Variants in GCN1 observed in about 807,000 individuals in gnomAD.
The protein encoded by GCN1 is stalled ribosome sensor GCN1.
A neutral mutation model predicts 288.4 loss-of-function variants in GCN1; 90 were observed. The ratio of observed to expected loss-of-function variants is 0.31; its 90% CI spans 0.26 to 0.37. The LOEUF is 0.37. GCN1 is among the 10% of genes least tolerant of loss of function. The pLI, the probability that GCN1 is intolerant of heterozygous loss-of-function variation, is 1.00. For synonymous variants in GCN1, 1,386 were observed against 1,420.2 expected, an observed-to-expected ratio of 0.98 and a Z score of 0.54; for missense variants, 2,586 against 3,419.9, an observed-to-expected ratio of 0.76 and a Z score of 6.08.
At chr12:120,146,932 A>G in intron 38 of GCN1, 120 bp downstream of exon 38, 1 of 560,550 alleles carries the variant, frequency 1.8e-6, no homozygotes, top group Non-Finnish European at 2.9e-6. Context: ...TTCTCCCCAT[A>G]AAAATAATTA....
At chr12:120,135,080 C>A (rs1221668624) in intron 51 of GCN1, among the ~76,000 whole-genome samples, 2 of 152,188 alleles carry the variant, frequency 1.3e-5, no homozygotes, top group African/African-American at 2.4e-5. Flanking sequence ...ACAAGCAGGG[C>A]AGACTATCGG....
At chr12:120,172,612 C>A (rs7312238) in intron 14 of GCN1, among the ~76,000 whole-genome samples, 3 of 151,964 alleles carry the variant, frequency 2.0e-5, no homozygotes, top group Non-Finnish European at 2.9e-5. Context: ...TGGGCTCAAG[C>A]GATTCTCCTG....
chr12:120,172,378 G>A (rs534791289), intron 14 of GCN1, among the ~76,000 whole-genome samples: 2 of 152,234 alleles, frequency 1.3e-5, no homozygotes, highest in African/African-American at 4.8e-5. Context: ...TCAAATCAGT[G>A]CAAAAATCTC....
At chr12:120,160,080 C>G (rs2139113504) in intron 23 of GCN1, 57 bp from the exon 24 acceptor site, 1 of 1,589,876 alleles carries the variant, frequency 6.3e-7, no homozygotes, top group South Asian at 1.1e-5. Flanking sequence ...TGACAGCAAG[C>G]AGCAGGACCA....
chr12:120,191,384 CA>C (rs1368284401), intron 1 of GCN1, among the ~76,000 whole-genome samples: 1 of 152,224 alleles, frequency 6.6e-6, no homozygotes, highest in African/African-American at 2.4e-5. Context: ...GGGCAGTTTG[CA>C]AACATCCCTG....
Position 120,174,061 on chromosome 12 carries a change from A to G in GCN1, c.1192+10T>C. The G allele has an allele frequency of 6.6e-7, 1 of 1,514,826 alleles. No homozygotes were observed. The highest frequency in any genetic ancestry group is 9.2e-7 in the Non-Finnish European group (1 of 1,089,668). 93.8% of individuals were successfully genotyped at this position (1,514,826 alleles called of 1,614,324 possible). A position where few individuals can be genotyped will look rare whatever the true frequency, so the allele number is the denominator to read the frequency against. On this transcript the variant is annotated intron_variant, in intron 13 of 57. Coordinates refer to ENST00000300648, the MANE Select transcript of GCN1 (RefSeq NM_006836.2). ...ACAGAACGCATGCTCACCATGTTGCACAGAATTACCTTCCTGCTGAAGGAA... is the reference window on the plus strand; with the variant it reads ...ACAGAACGCATGCTCACCATGTTGCGCAGAATTACCTTCCTGCTGAAGGAA...
chr12:120,147,860 C>G (rs1877412107), intron 37 of GCN1, among the ~76,000 whole-genome samples: 1 of 152,174 alleles, frequency 6.6e-6, no homozygotes, highest in South Asian at 2.1e-4. Context: ...TAACCCTCCC[C>G]TCTATCAAAG....
In GCN1 at chr12:120,158,323, C is replaced by T. The variant is rs990815351; in HGVS notation, c.2905+137G>A. 1.3e-5 allele frequency: 10 copies of T among 762,268 alleles called. No homozygotes were observed. Among genetic ancestry groups the T allele is most frequent in the East Asian group, 5.4e-5 (2 of 36,992 alleles). The allele number at this position is 762,268 out of a possible 1,614,324, so 47.2% of individuals were successfully genotyped here. A position where few individuals can be genotyped will look rare whatever the true frequency, so the allele number is the denominator to read the frequency against. On this transcript the variant is annotated intron_variant, in intron 25 of 57. Coordinates refer to ENST00000300648, the MANE Select transcript of GCN1 (RefSeq NM_006836.2). This position sits in a 1 kb window ranked among gnomAD's most constrained non-coding sequence, Gnocchi z 4.3. ...TGGGCTCACTGCAATTCACAGACTA[C>T]GAAGGTTCAATTCAGAAATCCTCCA...
intron 16 of GCN1, among the ~76,000 whole-genome samples, chr12:120,165,406 G>A (rs1878088721): frequency 6.6e-6 from 1 of 152,142 alleles, no homozygotes; most frequent in Admixed American, 6.5e-5. Context: ...CTGACCACAG[G>A]TGATCCACCT....
rs749062963 is a variant in GCN1 at position 120,153,929 on chromosome 12, A to G, written c.3702-20T>C. ...CCACACCTGGGAAAGAAGTGGGAGCACATCAGGAGGGGCAGTCAGGGGGCC... is the reference window on the plus strand; with the variant it reads ...CCACACCTGGGAAAGAAGTGGGAGCGCATCAGGAGGGGCAGTCAGGGGGCC... On this transcript the variant is annotated intron_variant, in intron 31 of 57. Coordinates refer to ENST00000300648, the MANE Select transcript of GCN1 (RefSeq NM_006836.2). This position sits in a 1 kb window ranked among gnomAD's most constrained non-coding sequence, Gnocchi z 4.4. The G allele has an allele frequency of 2.0e-5, 32 of 1,609,006 alleles. No homozygotes were observed. The highest frequency in any genetic ancestry group is 2.3e-5 in the Non-Finnish European group (27 of 1,176,636).
intron 53 of GCN1, among the ~76,000 whole-genome samples, chr12:120,132,376 C>A (rs1876855358): frequency 6.6e-6 from 1 of 152,008 alleles, no homozygotes; most frequent in Non-Finnish European, 1.5e-5. Context: ...TTACTATCAA[C>A]AGCCCTGTGA....
In GCN1 at chr12:120,153,161, C is replaced by T. The variant is rs1410061820; in HGVS notation, c.4062+52G>A. 6 of 1,513,078 alleles carry T rather than the reference C, an allele frequency of 4.0e-6. No individual in the cohort carries two copies. The highest frequency in any genetic ancestry group is 3.4e-5 in the South Asian group (3 of 87,436). The allele number at this position is 1,513,078 out of a possible 1,614,324, so 93.7% of individuals were successfully genotyped here. A position where few individuals can be genotyped will look rare whatever the true frequency, so the allele number is the denominator to read the frequency against. The stretch of plus-strand genomic sequence containing the variant: ...TAGTATCCCACCGCCTAACCACAGC[C>T]GGGTCCCAATTCTCTAACCGACATG... On this transcript the variant is annotated intron_variant, in intron 33 of 57. Transcript: ENST00000300648. This position sits in a 1 kb window ranked among gnomAD's most constrained non-coding sequence, Gnocchi z 4.4.
intron 15 of GCN1, 139 bp downstream of exon 15, chr12:120,170,030 A>C (rs1878268828): frequency 1.4e-6 from 1 of 727,090 alleles, no homozygotes; most frequent in Non-Finnish European, 2.4e-6. Context: ...CATGAGGTTC[A>C]TCCTGCAGAT....
In GCN1 at chr12:120,155,557, T is replaced by C. The variant is rs1010034168; in HGVS notation, c.3440+35A>G. Reference sequence around the variant, plus strand: ...AGTTATTTCCTAAAGGAAGAGAGGATGCAGCAGGAGAAAGCGACATGCTGG... The same window carrying C: ...AGTTATTTCCTAAAGGAAGAGAGGACGCAGCAGGAGAAAGCGACATGCTGG... On this transcript the variant is annotated intron_variant, in intron 29 of 57. Coordinates refer to ENST00000300648, the MANE Select transcript of GCN1 (RefSeq NM_006836.2). This position sits in a 1 kb window ranked among gnomAD's most constrained non-coding sequence, Gnocchi z 4.9. The C allele has an allele frequency of 1.9e-6, 3 of 1,613,066 alleles. No homozygotes were observed. Among genetic ancestry groups the C allele is most frequent in the Admixed American group, 1.7e-5 (1 of 60,000 alleles).
Position 120,138,059 on chromosome 12 carries a change from A to G in GCN1, c.6250-15T>C, listed in dbSNP as rs1430611148. ...GGCGTTGTCAGCTGGTGGAATGACA[A>G]ACATTAACTCAGTGAATACTGTGCC... On this transcript the variant is annotated splice_polypyrimidine_tract_variant and intron_variant, in intron 47 of 57. Transcript: ENST00000300648. The G allele has an allele frequency of 6.2e-7, 1 of 1,605,724 alleles. No homozygotes were observed. Among genetic ancestry groups the G allele is most frequent in the Admixed American group, 1.7e-5 (1 of 58,554 alleles).
At chr12:120,159,753 CA>C in intron 24 of GCN1, 71 bp downstream of exon 24, 1 of 1,355,516 alleles carries the variant, frequency 7.4e-7, no homozygotes, top group Non-Finnish European at 1.1e-6. Context: ...CACAAGCACT[CA>C]GGGGCACACC....
chr12:120,176,054 C>T, intron 10 of GCN1, 89 bp downstream of exon 10: 1 of 1,245,430 alleles, frequency 8.0e-7, no homozygotes. Flanking sequence ...CTACCCTGAG[C>T]TGTCCCCTAC....
intron 9 of GCN1, among the ~76,000 whole-genome samples, chr12:120,176,895 T>A (rs1284362831): frequency 6.6e-6 from 1 of 152,096 alleles, no homozygotes; most frequent in Non-Finnish European, 1.5e-5. Context: ...GTCTCCTGAG[T>A]AGCTAGGACT....
At chr12:120,173,606 T>A (rs774861333) in intron 14 of GCN1, 47 bp downstream of exon 14, 11 of 1,132,596 alleles carry the variant, frequency 9.7e-6, no homozygotes, top group African/African-American at 1.5e-5. Context: ...AAAGACTCAG[T>A]AACCTCTGCA....
Sources: gnomAD v4.1 joint callset for allele counts (sites outside exome capture counted in the v4.1 genomes callset) on GRCh38, gnomAD v4.1.1 for gene constraint, Gnocchi (gnomAD v3.1) non-coding constraint, MANE v1.5 for transcripts, NCBI Gene and HGNC (gene_info 2026-07-23, HGNC 2026-07-21) for gene names.